PPARD: variants seen among roughly 807,000 people sequenced by gnomAD.
PPARD encodes the protein peroxisome proliferator-activated receptor delta.
Under a neutral mutation model 39.5 loss-of-function variants are expected in PPARD, and 6 were observed. The ratio of observed to expected loss-of-function variants is 0.15; its 90% confidence interval spans 0.08 to 0.30. The LOEUF (loss-of-function observed/expected upper bound fraction) is 0.30. Ranked by LOEUF, PPARD falls within the 10% of genes least tolerant of loss-of-function variation. PPARD has a pLI of 1.00. For synonymous variants in PPARD, 210 were observed against 231.3 expected (o/e 0.91, Z 0.83); for missense variants, 397 against 596.8 (o/e 0.67, Z 3.49).
intron 2 of PPARD, among the ~76,000 whole-genome samples, chr6:35,350,808 G>T (rs534041819): frequency 1.3e-5 from 2 of 151,886 alleles, no homozygotes; most frequent in Non-Finnish European, 2.9e-5. Flanking sequence ...TGTGTTTTTA[G>T]TAGAGATGGG....
At chr6:35,384,951 G>A (rs1382556699) in intron 2 of PPARD, among the ~76,000 whole-genome samples, 2 of 136,840 alleles carry the variant, frequency 1.5e-5, no homozygotes, top group Non-Finnish European at 3.1e-5. Context: ...CGCCCCATCC[G>A]GGAGGGAGGT....
At chr6:35,384,452 C>T (rs1329700851) in intron 2 of PPARD, among the ~76,000 whole-genome samples, 1 of 106,384 alleles carries the variant, frequency 9.4e-6, no homozygotes, top group Non-Finnish European at 1.8e-5. Context: ...GTCAGCCCCC[C>T]GCCCGGCCAG....
chr6:35,411,143 A>G lies in PPARD; in HGVS notation c.56A>G (p.Glu19Gly). 1 of 1,584,872 alleles carries G rather than the reference A, an allele frequency of 6.3e-7. No individual in the cohort carries two copies. Among genetic ancestry groups the G allele is most frequent in the Non-Finnish European group, 8.6e-7 (1 of 1,164,382 alleles). Residue 19 changes from glutamate to glycine, a missense_variant, in exon 3 of 8, where the codon GAA becomes GGA. Glu to Gly is a moderately conservative substitution (Grantham distance 98). Coordinates refer to ENST00000360694, the MANE Select transcript of PPARD (RefSeq NM_006238.5). ...GTCCGGGAAGAGGAGGAGAAAGAGGAAGTGGCAGAGGCAGAAGGAGCCCCA... is the reference window on the plus strand; with the variant it reads ...GTCCGGGAAGAGGAGGAGAAAGAGGGAGTGGCAGAGGCAGAAGGAGCCCCA... Reference protein sequence around the residue: ...PEVREEEEKEEVAEAEGAPEL... With the variant: ...PEVREEEEKEGVAEAEGAPEL...
In PPARD at chr6:35,424,101, A is replaced by G; in HGVS notation, c.580A>G (p.Lys194Glu). Reference sequence around the variant, plus strand: ...CTACCTGAAAAACTTCAACATGACCAAAAAGAAGGCCCGCAGCATCCTCAC... The same window carrying G: ...CTACCTGAAAAACTTCAACATGACCGAAAAGAAGGCCCGCAGCATCCTCAC... ...NAYLKNFNMT[K>E]KKARSILTGK... Residue 194 changes from lysine (K) to glutamate (E), a missense_variant, in exon 6 of 8, where the codon AAA (lysine) becomes GAA (glutamate). By Grantham distance (56) the Lys-to-Glu change is moderately conservative. Coordinates refer to ENST00000360694, the MANE Select transcript of PPARD (RefSeq NM_006238.5). This position sits in a 1 kb window ranked among gnomAD's most constrained non-coding sequence, Gnocchi z 7.1. 1 of 1,613,846 alleles carries G rather than the reference A, an allele frequency of 6.2e-7. No homozygotes were observed. The highest frequency in any genetic ancestry group is 2.2e-5 in the East Asian group (1 of 44,884).
At position 35,351,622 on chromosome 6, in the gene PPARD, A is replaced by T. The variant is rs368200322; in HGVS notation, c.-102+4472A>T. Among the ~76,000 whole-genome samples the T allele has an allele frequency of 6.6e-5, 10 of 151,934 alleles. No individual in the cohort carries two copies. In the East Asian group the frequency reaches 1.6e-3, roughly 24 times the overall value. On this transcript the variant is annotated intron_variant, in intron 2 of 7. Transcript: ENST00000360694. ...GGCTGGAGTGCAGTGGTGCAGTCAT[A>T]GCTCACTTGCAGCCTCCAACTTCTG...
At chr6:35,403,723 C>T (rs1037774000) in intron 2 of PPARD, among the ~76,000 whole-genome samples, 10 of 151,656 alleles carry the variant, frequency 6.6e-5, no homozygotes, top group African/African-American at 2.0e-4. Flanking sequence ...CTGGAGGGCC[C>T]GGGTCAGGGT....
At position 35,424,126 on chromosome 6, in the gene PPARD, C is replaced by T; in HGVS notation, c.605C>T (p.Thr202Ile). 6.2e-7 allele frequency: 1 copy of T among 1,613,158 alleles called. No homozygotes were observed. The highest frequency in any genetic ancestry group is 8.5e-7 in the Non-Finnish European group (1 of 1,180,026). ...MTKKKARSIL[T>I]GKASHTAPFV... ...AAAAAGAAGGCCCGCAGCATCCTCA[C>T]CGGCAAAGCCAGCCACACGGCGGTG... Residue 202 changes from threonine (T) to isoleucine (I), a missense_variant, in exon 6 of 8, where the codon ACC (threonine) becomes ATC (isoleucine). Transcript: ENST00000360694. The surrounding 1 kb of genome is among the most constrained non-coding windows in gnomAD (Gnocchi z 7.1).
chr6:35,411,146 T>G lies in PPARD; in HGVS notation c.59T>G (p.Val20Gly), dbSNP rs757408432. ...EVREEEEKEE[V>G]AEAEGAPELN... ...CGGGAAGAGGAGGAGAAAGAGGAAGTGGCAGAGGCAGAAGGAGCCCCAGAG... is the reference window on the plus strand; with the variant it reads ...CGGGAAGAGGAGGAGAAAGAGGAAGGGGCAGAGGCAGAAGGAGCCCCAGAG... Residue 20 changes from valine to glycine, a missense_variant, in exon 3 of 8, where the codon GTG becomes GGG. Transcript: ENST00000360694. 1.5e-5 allele frequency: 24 copies of G among 1,581,528 alleles called. No homozygotes were observed. Among genetic ancestry groups the G allele is most frequent in the Middle Eastern group, 3.4e-4 (2 of 5,936 alleles).
chr6:35,356,131 G>C (rs570224514), intron 2 of PPARD, among the ~76,000 whole-genome samples: 1 of 152,220 alleles, frequency 6.6e-6, no homozygotes, highest in African/African-American at 2.4e-5. Context: ...TTGCCAAGTG[G>C]TGTGGGAAAC....
At chr6:35,360,252 G>GA (rs1427701246) in intron 2 of PPARD, among the ~76,000 whole-genome samples, 20 of 149,566 alleles carry the variant, frequency 1.3e-4, no homozygotes, top group East Asian at 5.9e-4. Flanking sequence ...ACTCTTAAGA[G>GA]AAAAAAAAAA....
In PPARD at chr6:35,412,094, A is replaced by G. The variant is rs1428032392; in HGVS notation, c.130+877A>G. On this transcript the variant is annotated intron_variant, in intron 3 of 7. Coordinates refer to ENST00000360694, the MANE Select transcript of PPARD (RefSeq NM_006238.5). The surrounding 1 kb of genome is among the most constrained non-coding windows in gnomAD (Gnocchi z 4.1). ...TAGGCGTGCACCACCACGCCCGGCTAATTTTTGTATTTTTTTAGTAAAGAT... is the reference window on the plus strand; with the variant it reads ...TAGGCGTGCACCACCACGCCCGGCTGATTTTTGTATTTTTTTAGTAAAGAT... Among the ~76,000 whole-genome samples, 1 of 151,798 alleles carries G rather than the reference A, an allele frequency of 6.6e-6. No individual in the cohort carries two copies. The highest frequency in any genetic ancestry group is 1.5e-5 in the Non-Finnish European group (1 of 67,970).
At chr6:35,385,122 C>T (rs1312299416) in intron 2 of PPARD, among the ~76,000 whole-genome samples, 1 of 146,250 alleles carries the variant, frequency 6.8e-6, no homozygotes, top group South Asian at 2.2e-4. Context: ...GCCACCACCC[C>T]GTCTGGGAGG....
chr6:35,405,596 G>C (rs915984171), intron 2 of PPARD, among the ~76,000 whole-genome samples: 3 of 151,004 alleles, frequency 2.0e-5, no homozygotes, highest in Admixed American at 2.0e-4. Context: ...TTTTTTGCCG[G>C]CATACAAATT....
At position 35,364,998 on chromosome 6, in the gene PPARD, C is replaced by T. The variant is rs570812244; in HGVS notation, c.-102+17848C>T. 8.6e-4 allele frequency among the ~76,000 whole-genome samples: 130 copies of T among 151,930 alleles called. 1 individual carries two copies. Among genetic ancestry groups the T allele is most frequent in the Middle Eastern group, 3.4e-3 (1 of 294 alleles). ...TGGTGGGATTACAGGCGTGAGCCAC[C>T]GCGCCCGGCCCCAAGTGTTACTCGT... On this transcript the variant is annotated intron_variant, in intron 2 of 7. Transcript: ENST00000360694.
At chr6:35,389,505 G>A (rs1581606973) in intron 2 of PPARD, among the ~76,000 whole-genome samples, 1 of 152,132 alleles carries the variant, frequency 6.6e-6, no homozygotes, top group Non-Finnish European at 1.5e-5. Context: ...AGAGACAGGG[G>A]TTTCACCATG....
At chr6:35,361,127 G>C (rs1445990984) in intron 2 of PPARD, among the ~76,000 whole-genome samples, 1 of 152,214 alleles carries the variant, frequency 6.6e-6, no homozygotes, top group East Asian at 1.9e-4. Flanking sequence ...GTTTCTCAGG[G>C]TTAGGTTACG....
At chr6:35,421,321 T>G (rs1484046242) in intron 4 of PPARD, among the ~76,000 whole-genome samples, 3 of 20,070 alleles carry the variant, frequency 1.5e-4, no homozygotes, top group Non-Finnish European at 2.6e-4. Context: ...TTTTTTTTTG[T>G]TTTGTTTTGT....
At chr6:35,376,259 G>A (rs1038748343) in intron 2 of PPARD, among the ~76,000 whole-genome samples, 1 of 152,036 alleles carries the variant, frequency 6.6e-6, no homozygotes, top group African/African-American at 2.4e-5. Flanking sequence ...TTGCCTCTTT[G>A]GCTTTCTCGT....
At chr6:35,386,978 AACCTGCTTT>A (rs1763703334) in intron 2 of PPARD, among the ~76,000 whole-genome samples, 1 of 149,456 alleles carries the variant, frequency 6.7e-6, no homozygotes, top group East Asian at 2.0e-4. Flanking sequence ...AGGTGGGGGA[AACCTGCTTT>A]CCCCCACCTC....
Sources: allele counts gnomAD v4.1 joint callset (sites outside exome capture counted in the v4.1 genomes callset), GRCh38; gene constraint gnomAD v4.1.1; non-coding constraint Gnocchi (gnomAD v3.1); transcripts MANE v1.5; gene names NCBI Gene and HGNC (gene_info 2026-07-23, HGNC 2026-07-21).